The following MTHFD2 variants were observed in gnomAD, a reference collection of about 807,000 sequenced individuals.
The protein encoded by MTHFD2 is bifunctional methylenetetrahydrofolate dehydrogenase/cyclohydrolase, mitochondrial.
In MTHFD2, 26 loss-of-function variants were observed where a neutral mutation model predicts 36.8. The ratio of observed to expected loss-of-function variants is 0.71; its 90% CI spans 0.52 to 0.98. The LOEUF is 0.98. MTHFD2 is among the 50% of genes least tolerant of loss of function. MTHFD2 has a pLI of 0.00. For synonymous variants in MTHFD2, 164 were observed against 155.2 expected (o/e 1.06, Z -0.42); for missense variants, 373 against 434.0 (o/e 0.86, Z 1.25).
chr2:74,203,877 TTTAGTTTAGTTTAGTTTAGTTTAGTTTAG>T (rs749451734), intron 1 of MTHFD2, among the ~76,000 whole-genome samples: 20,157 of 86,886 alleles, frequency 0.23, 2,194 homozygotes, highest in African/African-American at 0.45. Flanking sequence ...TTTAGTTTAG[TTTAGTTTAGTTTAGTTTAGTTTAGTTTAG>T]TTAGTTTAGT....
At chr2:74,200,136 G>A (rs905122963) in intron 1 of MTHFD2, among the ~76,000 whole-genome samples, 3 of 152,114 alleles carry the variant, frequency 2.0e-5, no homozygotes, top group African/African-American at 7.2e-5. Flanking sequence ...GGACTTTCAG[G>A]GTTTTCCCTG....
chr2:74,211,558 T>A (rs1328398234), intron 6 of MTHFD2, 183 bp from the exon 7 acceptor site: 6 of 550,640 alleles, frequency 1.1e-5, no homozygotes, highest in African/African-American at 7.7e-5. Flanking sequence ...TCCTTTTGTT[T>A]CCTGTCAGGA....
chr2:74,214,186 A>G lies in MTHFD2; in HGVS notation c.997A>G (p.Arg333Gly), dbSNP rs563102398. The change falls in exon 8 of 8, where the codon AGG (arginine) becomes GGG (glycine). Residue 333 changes from arginine to glycine, a missense_variant. Arg to Gly is a moderately radical substitution (Grantham distance 125). Around this residue, in one of 2 missense-constraint regions of MTHFD2, gnomAD observed 308 missense variants for 397.8 expected, o/e 0.77. Transcript: ENST00000394053. Reference sequence around the variant, plus strand: ...CATTATTGCTGCAAAAAAGGTGCTGAGGCTTGAAGAGCGAGAAGTGCTGAA... The same window carrying G: ...CATTATTGCTGCAAAAAAGGTGCTGGGGCTTGAAGAGCGAGAAGTGCTGAA... ...NTIIAAKKVL[R>G]LEEREVLKSK... 506 of 1,614,128 alleles carry G rather than the reference A, an allele frequency of 3.1e-4. 11 individuals are homozygous for G. In the South Asian group the frequency reaches 5.4e-3, roughly 17 times the overall value.
chr2:74,212,960 A>G (rs1176876810), intron 7 of MTHFD2, among the ~76,000 whole-genome samples: 2 of 151,694 alleles, frequency 1.3e-5, no homozygotes, highest in African/African-American at 4.8e-5. Flanking sequence ...GCTGTAGTGC[A>G]GTGGTGTGAT....
At chr2:74,210,878 C>G (rs1268997706) in intron 5 of MTHFD2, among the ~76,000 whole-genome samples, 2 of 151,214 alleles carry the variant, frequency 1.3e-5, no homozygotes, top group Non-Finnish European at 1.5e-5. Context: ...CCTCCACCTT[C>G]CAGGTTCAAG....
rs1467227735 is a variant in MTHFD2 at position 74,210,059 on chromosome 2, T to C, written c.670+10T>C. ...CATGAACGTCCCGGAGGTAAGGAAA[T>C]TGCTTTCAGGGAACACTGTCCTTTT... On this transcript the variant is annotated intron_variant, in intron 5 of 7. Coordinates refer to ENST00000394053, the MANE Select transcript of MTHFD2 (RefSeq NM_006636.4). 6.2e-7 allele frequency: 1 copy of C among 1,607,426 alleles called. No individual in the cohort carries two copies. The highest frequency in any genetic ancestry group is 8.5e-7 in the Non-Finnish European group (1 of 1,176,414).
chr2:74,214,341 G>A lies in MTHFD2; in HGVS notation c.*99G>A, dbSNP rs1694382779. On this transcript the variant is annotated 3_prime_UTR_variant, in exon 8 of 8. Transcript: ENST00000394053. Reference sequence around the variant, plus strand: ...TATTTTTAATTTATTCTACTGAAATGGTTTAAAATGATGCCTTGTATTTAT... The same window carrying A: ...TATTTTTAATTTATTCTACTGAAATAGTTTAAAATGATGCCTTGTATTTAT... The A allele has an allele frequency of 4.4e-6, 6 of 1,365,546 alleles. No homozygotes were observed. The highest frequency in any genetic ancestry group is 6.0e-6 in the Non-Finnish European group (6 of 1,000,508). 84.6% of individuals were successfully genotyped at this position (1,365,546 alleles called of 1,614,324 possible).
chr2:74,203,906 G>GTTTAGTTTAGTTTAGTTTAGT lies in MTHFD2; in HGVS notation c.102-1797_102-1796insTAGTTTAGTTTAGTTTAGTTT, dbSNP rs369717981. Among the ~76,000 whole-genome samples, 26 of 29,532 alleles carry GTTTAGTTTAGTTTAGTTTAGT rather than the reference G, an allele frequency of 8.8e-4. 1 individual carries two copies. Among genetic ancestry groups the GTTTAGTTTAGTTTAGTTTAGT allele is most frequent in the South Asian group, 3.8e-3 (4 of 1,048 alleles). 19.4% of individuals were successfully genotyped at this position (29,532 alleles called of 152,430 possible). A position where few individuals can be genotyped will look rare whatever the true frequency, so the allele number is the denominator to read the frequency against. On this transcript the variant is annotated intron_variant, in intron 1 of 7. Coordinates refer to ENST00000394053, the MANE Select transcript of MTHFD2 (RefSeq NM_006636.4). ...GTTTAGTTTAGTTTAGTTTAGTTTA[G>GTTTAGTTTAGTTTAGTTTAGT]TTAGTTTAGTTTAGTTTAGTTTTTT... is the stretch of plus-strand genomic sequence containing the variant.
intron 1 of MTHFD2, among the ~76,000 whole-genome samples, chr2:74,201,721 C>G (rs1227988970): frequency 6.6e-6 from 1 of 152,204 alleles, no homozygotes; most frequent in East Asian, 1.9e-4. Flanking sequence ...ATTTTGGATT[C>G]CCCGTGGGAC....
intron 6 of MTHFD2, chr2:74,211,521 A>C (rs941960181): frequency 8.3e-6 from 4 of 482,326 alleles, no homozygotes; most frequent in African/African-American, 7.9e-5. Context: ...ATTTATATTA[A>C]TATTTACTGT....
At chr2:74,201,218 C>A (rs537110564) in intron 1 of MTHFD2, among the ~76,000 whole-genome samples, 1 of 152,206 alleles carries the variant, frequency 6.6e-6, no homozygotes, top group South Asian at 2.1e-4. Flanking sequence ...GACCTCCTGA[C>A]CTCAAATGAT....
chr2:74,211,254 A>G lies in MTHFD2; in HGVS notation c.726A>G (p.Lys242=). The G allele has an allele frequency of 1.2e-6, 2 of 1,609,740 alleles. No individual in the cohort carries two copies. Among genetic ancestry groups the G allele is most frequent in the South Asian group, 1.1e-5 (1 of 90,764 alleles). ...HRYTPKEQLK[K]HTILADIVIS... is the part of the protein sequence containing the mutation. ...ATACTCCCAAAGAGCAGTTGAAGAA[A>G]CATACAATTCTTGCAGATATTGTAA... Residue 242 remains lysine (K), a synonymous_variant, in exon 6 of 8, where the codon AAA becomes AAG. Transcript: ENST00000394053.
rs1694467051 is a variant in MTHFD2, at chr2:74,217,050, T to G, written c.*2808T>G. 1 of 152,174 alleles carries G rather than the reference T, an allele frequency of 6.6e-6. No homozygotes were observed. Among genetic ancestry groups the G allele is most frequent in the Non-Finnish European group, 1.5e-5 (1 of 68,030 alleles). 9.4% of individuals were successfully genotyped at this position (152,174 alleles called of 1,614,324 possible). On this transcript the variant is annotated 3_prime_UTR_variant, in exon 8 of 8. Coordinates refer to ENST00000394053, the MANE Select transcript of MTHFD2 (RefSeq NM_006636.4). ...AGATTAAATGTAATCAAACACTTAT[T>G]GAGAGCTTTCTATGGACCAGGCACT...
chr2:74,208,948 A>G (rs1357590319), intron 4 of MTHFD2, among the ~76,000 whole-genome samples: 3 of 151,696 alleles, frequency 2.0e-5, no homozygotes, highest in Non-Finnish European at 2.9e-5. Flanking sequence ...ATCTTGGCTC[A>G]CTGCAGCCTC....
Position 74,211,772 on chromosome 2 carries a change from C to A in MTHFD2, c.795C>A (p.Ile265=), listed in dbSNP as rs1694308710. 7.4e-6 allele frequency: 12 copies of A among 1,611,500 alleles called. No individual in the cohort carries two copies. In the African/African-American group the frequency reaches 9.3e-5, roughly 13 times the overall value. ...GIPNLITADM[I]KEGAAVIDVG... The stretch of plus-strand genomic sequence containing the variant: ...CAAATCTGATCACAGCAGATATGAT[C>A]AAGGAAGGAGCAGCAGTCATTGATG... Residue 265 remains isoleucine (I), a synonymous_variant, in exon 7 of 8, where the codon ATC becomes ATA. Transcript: ENST00000394053.
chr2:74,206,987 C>T (rs1694198277), intron 2 of MTHFD2, among the ~76,000 whole-genome samples: 1 of 152,180 alleles, frequency 6.6e-6, no homozygotes, highest in Non-Finnish European at 1.5e-5. Context: ...CTCAGCCTCC[C>T]AAAGTGCTGG....
At position 74,215,053 on chromosome 2, in the gene MTHFD2, C is replaced by CTAT. The variant is rs1261090274; in HGVS notation, c.*813_*815dup. 1 of 152,560 alleles carries CTAT rather than the reference C, an allele frequency of 6.6e-6. No homozygotes were observed. The highest frequency in any genetic ancestry group is 1.5e-5 in the Non-Finnish European group (1 of 68,012). The allele number at this position is 152,560 out of a possible 1,614,324, so 9.5% of individuals were successfully genotyped here. ...TAGTTTCTTTGGTGTATCTTAAAAC[C>CTAT]TATTTTTGAAAAACAAACTTGGCTT... is the stretch of plus-strand genomic sequence containing the variant. On this transcript the variant is annotated 3_prime_UTR_variant, in exon 8 of 8. Transcript: ENST00000394053.
chr2:74,203,085 A>G (rs368895481), intron 1 of MTHFD2, among the ~76,000 whole-genome samples: 2 of 151,922 alleles, frequency 1.3e-5, no homozygotes, highest in Admixed American at 6.6e-5. Flanking sequence ...ACTGCAACCT[A>G]TGCCTCCTGG....
chr2:74,202,651 C>T (rs1223421804), intron 1 of MTHFD2, among the ~76,000 whole-genome samples: 1 of 152,078 alleles, frequency 6.6e-6, no homozygotes, highest in Middle Eastern at 3.2e-3. Flanking sequence ...CTCAGCCTCC[C>T]AAGTAGCTGG....
Sources: gnomAD v4.1 joint callset for allele counts (sites outside exome capture counted in the v4.1 genomes callset) on GRCh38, gnomAD v4.1.1 for gene constraint, gnomAD v4.1.1 regional missense constraint, MANE v1.5 for transcripts, NCBI Gene and HGNC (gene_info 2026-07-23, HGNC 2026-07-21) for gene names.